Variants in NELL2 observed in about 807,000 individuals in gnomAD.
NELL2 encodes the protein protein kinase C-binding protein NELL2.
NELL2 carries 41 observed loss-of-function variants against 109.6 expected under a neutral mutation model. The observed-to-expected ratio is 0.37, with a 90% CI of 0.29 to 0.49. The LOEUF (loss-of-function observed/expected upper bound fraction) is 0.49, where lower values mean the gene tolerates loss of function less well. Ranked by LOEUF, NELL2 falls within the 20% of genes least tolerant of loss-of-function variation. The pLI is 0.98. For synonymous variants in NELL2, 355 were observed against 344.7 expected (o/e 1.03, Z -0.33); for missense variants, 900 against 1,008.3 (o/e 0.89, Z 1.45).
chr12:44,607,215 A>G lies in NELL2; in HGVS notation c.1617T>C (p.Asn539=). 2 of 1,612,912 alleles carry G rather than the reference A, an allele frequency of 1.2e-6. No homozygotes were observed. Among genetic ancestry groups the G allele is most frequent in the Non-Finnish European group, 8.5e-7 (1 of 1,179,268 alleles). Residue 539 remains asparagine (N), a synonymous_variant, in exon 15 of 20, where the codon AAT becomes AAC. Coordinates refer to ENST00000429094, the MANE Select transcript of NELL2 (RefSeq NM_001145108.2). ...TGAAGCCTTGTGGGCAGGCACACAC[A>G]TTAGCGGCAATACAGGCTCCTCCAT... is the stretch of plus-strand genomic sequence containing the variant. ...CRNGGACIAA[N]VCACPQGFTG...
chr12:44,778,963 T>A (rs574972905), intron 5 of NELL2, among the ~76,000 whole-genome samples: 1 of 152,278 alleles, frequency 6.6e-6, no homozygotes, highest in Non-Finnish European at 1.5e-5. Context: ...TCACTTATCA[T>A]TGTTTGATTT....
chr12:44,548,855 T>A (rs922900888), intron 15 of NELL2, among the ~76,000 whole-genome samples: 1 of 152,330 alleles, frequency 6.6e-6, no homozygotes, highest in South Asian at 2.1e-4. Context: ...AAGCACTCTA[T>A]GCTTCTAATT....
chr12:44,791,093 A>G (rs1243732704), intron 3 of NELL2, among the ~76,000 whole-genome samples: 1 of 14,454 alleles, frequency 6.9e-5, no homozygotes, highest in African/African-American at 1.7e-4. Flanking sequence ...ATATATATAT[A>G]TATGTATATA....
chr12:44,549,346 C>T (rs1345862126), intron 15 of NELL2, among the ~76,000 whole-genome samples: 1 of 152,034 alleles, frequency 6.6e-6, no homozygotes, highest in Non-Finnish European at 1.5e-5. Context: ...TATTATTCTG[C>T]TGGTTGGATA....
intron 15 of NELL2, among the ~76,000 whole-genome samples, chr12:44,591,494 A>AGTTCTCACT (rs1944747947): frequency 8.3e-6 from 1 of 120,920 alleles, no homozygotes; most frequent in Non-Finnish European, 1.8e-5. Context: ...TGAGAACATT[A>AGTTCTCACT]TATTAAGTGA....
At chr12:44,527,669 T>C (rs1045130220) in intron 16 of NELL2, among the ~76,000 whole-genome samples, 2 of 152,218 alleles carry the variant, frequency 1.3e-5, no homozygotes, top group African/African-American at 4.8e-5. Context: ...ATAATCATAC[T>C]CTTAAAATGA....
intron 15 of NELL2, among the ~76,000 whole-genome samples, chr12:44,575,175 CT>C (rs1944029044): frequency 6.6e-6 from 1 of 152,174 alleles, no homozygotes; most frequent in Non-Finnish European, 1.5e-5. Context: ...AAAGCAAATA[CT>C]TGTTTAATAA....
intron 9 of NELL2, among the ~76,000 whole-genome samples, chr12:44,723,920 G>A (rs58040814): frequency 0.074 from 11,288 of 151,994 alleles, 1,358 homozygotes; most frequent in African/African-American, 0.25. Context: ...AATTCATTCT[G>A]TCAGAAAGAC....
intron 2 of NELL2, among the ~76,000 whole-genome samples, chr12:44,819,572 G>T (rs1030394166): frequency 6.6e-6 from 1 of 152,156 alleles, no homozygotes; most frequent in Non-Finnish European, 1.5e-5. Flanking sequence ...TGCTTAAGGA[G>T]ACCCACACAG....
chr12:44,513,232 CT>C (rs763732507), intron 19 of NELL2, among the ~76,000 whole-genome samples: 13 of 152,060 alleles, frequency 8.5e-5, no homozygotes, highest in Non-Finnish European at 1.2e-4. Context: ...CAGACCCCCC[CT>C]AACTGGTGTA....
At chr12:44,815,828 A>T in intron 3 of NELL2, 158 bp downstream of exon 3, 1 of 661,336 alleles carries the variant, frequency 1.5e-6, no homozygotes, top group Non-Finnish European at 2.4e-6. Flanking sequence ...CATATTGGTC[A>T]GGCTGGTCTT....
chr12:44,704,936 T>C (rs1937778342), intron 11 of NELL2, among the ~76,000 whole-genome samples: 1 of 151,350 alleles, frequency 6.6e-6, no homozygotes, highest in Admixed American at 6.6e-5. Flanking sequence ...GGAAAATTGC[T>C]TCAACCCGGG....
chr12:44,721,575 G>T lies in NELL2; in HGVS notation c.995-6834C>A, dbSNP rs149185395. 3.9e-4 allele frequency among the ~76,000 whole-genome samples: 59 copies of T among 151,968 alleles called. No homozygotes were observed. The East Asian group carries it at 0.011, about 28-fold the overall frequency. ...TTCTTACCACCAACCCAGTGAATTT[G>T]GTCAATACAGGAACATCGTCTTTGG... On this transcript the variant is annotated intron_variant, in intron 9 of 19. Transcript: ENST00000429094.
chr12:44,843,851 G>A (rs1167687309), intron 2 of NELL2, among the ~76,000 whole-genome samples: 1 of 152,012 alleles, frequency 6.6e-6, no homozygotes, highest in Non-Finnish European at 1.5e-5. Context: ...GTGAAACCCT[G>A]GCTCTATGAA....
At chr12:44,517,133 GTTAT>G (rs997296681) in intron 19 of NELL2, among the ~76,000 whole-genome samples, 1 of 151,614 alleles carries the variant, frequency 6.6e-6, no homozygotes, top group Non-Finnish European at 1.5e-5. Flanking sequence ...CCCTCAAATT[GTTAT>G]TTAGTCATTC....
chr12:44,642,153 G>A (rs1418874130), intron 13 of NELL2, among the ~76,000 whole-genome samples: 1 of 152,092 alleles, frequency 6.6e-6, no homozygotes, highest in African/African-American at 2.4e-5. Flanking sequence ...AGTCACCAGG[G>A]ATACATGTGA....
chr12:44,635,044 GT>G (rs1167176647), intron 13 of NELL2, among the ~76,000 whole-genome samples: 2 of 151,936 alleles, frequency 1.3e-5, no homozygotes, highest in Non-Finnish European at 1.5e-5. Flanking sequence ...GTGATGATGA[GT>G]TTTTTTTCAT....
chr12:44,821,644 C>A (rs1054548222), intron 2 of NELL2, among the ~76,000 whole-genome samples: 3 of 152,062 alleles, frequency 2.0e-5, no homozygotes, highest in Non-Finnish European at 4.4e-5. Flanking sequence ...CTGACATTGA[C>A]CATTAAATCA....
chr12:44,774,972 G>T, intron 8 of NELL2, 123 bp from the exon 9 acceptor site: 1 of 663,872 alleles, frequency 1.5e-6, no homozygotes, highest in Non-Finnish European at 2.5e-6. Flanking sequence ...GCCATTCATT[G>T]CCAGGAGGGG....
Sources: gnomAD v4.1 joint callset for allele counts (sites outside exome capture counted in the v4.1 genomes callset) on GRCh38, gnomAD v4.1.1 for gene constraint, MANE v1.5 for transcripts, NCBI Gene and HGNC (gene_info 2026-07-23, HGNC 2026-07-21) for gene names.